The following C8orf34 variants were observed in gnomAD, a reference collection of about 807,000 sequenced individuals.
C8orf34 encodes chromosome 8 open reading frame 34.
In C8orf34, 65 loss-of-function variants were observed where a neutral mutation model predicts 68.3. That is an observed-to-expected ratio of 0.95 (90% CI 0.78 to 1.17). The LOEUF is 1.17. Among genes scored for constraint, C8orf34 ranks in the 50% most tolerant of loss-of-function variants. C8orf34 has a pLI of 0.00. For missense variants in C8orf34, 664 were observed against 655.4 expected (o/e 1.01, Z -0.14); for synonymous variants, 244 against 241.2 (o/e 1.01, Z -0.11).
At chr8:68,534,730 G>A in intron 7 of C8orf34, 1 of 985,298 alleles carries the variant, frequency 1.0e-6, no homozygotes, top group Non-Finnish European at 1.2e-6. Context: ...CTCTGCTTTG[G>A]ACAGTAACAG....
chr8:68,700,946 A>T (rs1412206331), intron 8 of C8orf34, among the ~76,000 whole-genome samples: 1 of 152,118 alleles, frequency 6.6e-6, no homozygotes, highest in Non-Finnish European at 1.5e-5. Context: ...TGTGAATTAA[A>T]AGCCGACTTT....
chr8:68,722,761 C>CA (rs1287087257), intron 10 of C8orf34, among the ~76,000 whole-genome samples: 1 of 151,968 alleles, frequency 6.6e-6, no homozygotes, highest in African/African-American at 2.4e-5. Context: ...AGTACCTACA[C>CA]ACAGTAGGCC....
intron 1 of C8orf34, among the ~76,000 whole-genome samples, chr8:68,391,504 G>T (rs1366180795): frequency 6.6e-6 from 1 of 152,100 alleles, no homozygotes; most frequent in Non-Finnish European, 1.5e-5. Context: ...ATGTAACCAT[G>T]AATGGTCCAA....
intron 7 of C8orf34, among the ~76,000 whole-genome samples, chr8:68,563,020 A>G (rs2130187045): frequency 6.6e-6 from 1 of 152,270 alleles, no homozygotes; most frequent in Non-Finnish European, 1.5e-5. Context: ...ACACATCTAA[A>G]TGGCACAGTT....
At chr8:68,674,045 A>G (rs1040371355) in intron 8 of C8orf34, among the ~76,000 whole-genome samples, 1 of 152,188 alleles carries the variant, frequency 6.6e-6, no homozygotes, top group Non-Finnish European at 1.5e-5. Flanking sequence ...TGGTACCTCT[A>G]TGAGTCTGCA....
intron 8 of C8orf34, among the ~76,000 whole-genome samples, chr8:68,669,214 A>G (rs1208473342): frequency 1.3e-5 from 2 of 152,144 alleles, no homozygotes; most frequent in Non-Finnish European, 2.9e-5. Flanking sequence ...TGATTGTAAC[A>G]AATATGCTAC....
In C8orf34 at chr8:68,708,988, A is replaced by T. The variant is rs1316401808; in HGVS notation, c.1242-6A>T. Reference sequence around the variant, plus strand: ...GATGTTTCAATGATCATTTTTAATTATTTAGGCTTCAAGGAGACAACCTGG... The same window carrying T: ...GATGTTTCAATGATCATTTTTAATTTTTTAGGCTTCAAGGAGACAACCTGG... On this transcript the variant is annotated splice_polypyrimidine_tract_variant and splice_region_variant and intron_variant, in intron 8 of 13. Transcript: ENST00000518698. The T allele has an allele frequency of 6.3e-7, 1 of 1,589,240 alleles. No homozygotes were observed. Among genetic ancestry groups the T allele is most frequent in the South Asian group, 1.1e-5 (1 of 88,676 alleles).
chr8:68,738,011 A>G (rs1335661963), intron 10 of C8orf34, among the ~76,000 whole-genome samples: 1 of 152,160 alleles, frequency 6.6e-6, no homozygotes, highest in Non-Finnish European at 1.5e-5. Context: ...TTTAACATTG[A>G]TCACATAATC....
intron 5 of C8orf34, among the ~76,000 whole-genome samples, chr8:68,514,989 T>C (rs1814444092): frequency 6.6e-6 from 1 of 152,056 alleles, no homozygotes; most frequent in Non-Finnish European, 1.5e-5. Context: ...CAGATATGAG[T>C]CAGAATGAGA....
At chr8:68,756,716 A>T (rs1338670764) in intron 10 of C8orf34, among the ~76,000 whole-genome samples, 1 of 152,182 alleles carries the variant, frequency 6.6e-6, no homozygotes, top group Non-Finnish European at 1.5e-5. Context: ...TATGTTCATC[A>T]AAAGAAGACT....
At chr8:68,367,850 GTAAC>G in intron 1 of C8orf34, among the ~76,000 whole-genome samples, 1 of 115,012 alleles carries the variant, frequency 8.7e-6, no homozygotes, top group Non-Finnish European at 1.7e-5. Context: ...GTATACATAT[GTAAC>G]TAACCTGCAC....
chr8:68,460,888 C>T, intron 3 of C8orf34, among the ~76,000 whole-genome samples: 1 of 152,202 alleles, frequency 6.6e-6, no homozygotes, highest in East Asian at 1.9e-4. Flanking sequence ...CAGAGTGCCT[C>T]TCCTCCTCCA....
chr8:68,353,854 G>T (rs977556486), intron 1 of C8orf34, among the ~76,000 whole-genome samples: 1 of 151,710 alleles, frequency 6.6e-6, no homozygotes, highest in Non-Finnish European at 1.5e-5. Context: ...GTGATTAAAA[G>T]CATACAGGAG....
intron 8 of C8orf34, among the ~76,000 whole-genome samples, chr8:68,675,285 A>G (rs1486243693): frequency 2.0e-5 from 3 of 152,184 alleles, no homozygotes; most frequent in Non-Finnish European, 4.4e-5. Context: ...TAATACTGTA[A>G]TGGTGGTTTG....
Position 68,446,397 on chromosome 8 carries a change from A to G in C8orf34, c.544A>G (p.Lys182Glu), listed in dbSNP as rs533895950. 1.6e-4 allele frequency: 256 copies of G among 1,612,924 alleles called. 2 individuals carry two copies. The South Asian group carries it at 2.6e-3, about 17-fold the overall frequency. ...TTGGCAATTAAATGCAAAGAAGCCT[A>G]AAAAATCAAAAAGTGACCTTGCTGT... ...KPWQLNAKKP[K>E]KSKSDLAVSN... is the part of the protein sequence containing the mutation. The change falls in exon 3 of 14, where the codon AAA becomes GAA. Residue 182 changes from lysine to glutamate, a missense_variant. By Grantham distance (56) the Lys-to-Glu change is moderately conservative. Coordinates refer to ENST00000518698, the MANE Select transcript of C8orf34 (RefSeq NM_052958.4).
chr8:68,619,733 A>T (rs776173298), intron 7 of C8orf34, among the ~76,000 whole-genome samples: 19 of 152,182 alleles, frequency 1.2e-4, no homozygotes, highest in Non-Finnish European at 2.5e-4. Flanking sequence ...TCCTAATTCC[A>T]CATGTTCTCC....
intron 9 of C8orf34, among the ~76,000 whole-genome samples, chr8:68,715,993 G>A (rs976315892): frequency 6.6e-6 from 1 of 151,984 alleles, no homozygotes; most frequent in Non-Finnish European, 1.5e-5. Context: ...CTTTAAAAAG[G>A]AACAAAATAA....
intron 1 of C8orf34, among the ~76,000 whole-genome samples, chr8:68,411,655 G>T (rs1809448795): frequency 6.6e-6 from 1 of 152,140 alleles, no homozygotes; most frequent in Non-Finnish European, 1.5e-5. Context: ...ACAGAGTTCA[G>T]CATATAGCTT....
intron 2 of C8orf34, among the ~76,000 whole-genome samples, chr8:68,444,306 T>C (rs1811034023): frequency 6.6e-6 from 1 of 152,132 alleles, no homozygotes; most frequent in African/African-American, 2.4e-5. Context: ...CTATCTCCTC[T>C]CTAATTTCTT....
Sources: allele counts gnomAD v4.1 joint callset (sites outside exome capture counted in the v4.1 genomes callset), GRCh38; gene constraint gnomAD v4.1.1; transcripts MANE v1.5; gene names NCBI Gene and HGNC (gene_info 2026-07-23, HGNC 2026-07-21).